The following SHOC2 variants were observed in gnomAD, a reference collection of about 807,000 sequenced individuals.
SHOC2 encodes leucine-rich repeat protein SHOC-2.
In SHOC2, 4 loss-of-function variants were observed where a neutral mutation model predicts 50.2. The observed-to-expected ratio is 0.08, with a 90% CI of 0.04 to 0.18. The LOEUF (loss-of-function observed/expected upper bound fraction) is 0.18. Among genes scored for constraint, SHOC2 ranks in the 10% least tolerant of loss-of-function variants. SHOC2 has a pLI of 1.00. For missense variants in SHOC2, 388 were observed against 669.6 expected, an observed-to-expected ratio of 0.58 and a Z score of 4.64; for synonymous variants, 218 against 244.5, an observed-to-expected ratio of 0.89 and a Z score of 1.01.
chr10:110,921,006 T>G (rs1392092221), intron 1 of SHOC2, among the ~76,000 whole-genome samples: 1 of 152,230 alleles, frequency 6.6e-6, no homozygotes, highest in African/African-American at 2.4e-5. Flanking sequence ...TTTTTGTAAC[T>G]AAATGCAGCA....
intron 2 of SHOC2, among the ~76,000 whole-genome samples, chr10:110,970,747 C>G (rs1259883208): frequency 7.2e-6 from 1 of 138,022 alleles, no homozygotes; most frequent in Admixed American, 7.2e-5. Context: ...TTTTTTTTGT[C>G]ATTTTGATGA....
chr10:110,945,693 C>T (rs1293185685), intron 1 of SHOC2, among the ~76,000 whole-genome samples: 1 of 152,170 alleles, frequency 6.6e-6, no homozygotes, highest in Non-Finnish European at 1.5e-5. Flanking sequence ...CAACCCCACT[C>T]AGACTCTGAC....
At chr10:111,004,274 C>T (rs79018209) in intron 4 of SHOC2, among the ~76,000 whole-genome samples, 1 of 152,272 alleles carries the variant, frequency 6.6e-6, no homozygotes, top group Non-Finnish European at 1.5e-5. Flanking sequence ...AATTAGTCAC[C>T]CATGAGGCAC....
At chr10:110,956,451 A>G (rs537489165) in intron 1 of SHOC2, among the ~76,000 whole-genome samples, 4 of 152,282 alleles carry the variant, frequency 2.6e-5, no homozygotes, top group East Asian at 1.9e-4. Flanking sequence ...TCCTGACTAC[A>G]TTTCATACCT....
intron 3 of SHOC2, among the ~76,000 whole-genome samples, chr10:110,986,100 T>C (rs1848071303): frequency 6.6e-6 from 1 of 152,224 alleles, no homozygotes; most frequent in Non-Finnish European, 1.5e-5. Flanking sequence ...GTGTGGTCCT[T>C]TCTTTGCTAA....
intron 1 of SHOC2, among the ~76,000 whole-genome samples, chr10:110,946,849 A>C (rs1847255054): frequency 6.6e-6 from 1 of 152,174 alleles, no homozygotes. Flanking sequence ...CAGATTTTTT[A>C]AGCAAGGGAG....
chr10:110,949,604 C>T (rs1295397094), intron 1 of SHOC2, among the ~76,000 whole-genome samples: 1 of 151,990 alleles, frequency 6.6e-6, no homozygotes, highest in Non-Finnish European at 1.5e-5. Flanking sequence ...TGCTGTGATA[C>T]CAAAGCCAAA....
chr10:110,962,861 G>A (rs1461465511), intron 1 of SHOC2, among the ~76,000 whole-genome samples: 1 of 152,142 alleles, frequency 6.6e-6, no homozygotes, highest in Non-Finnish European at 1.5e-5. Context: ...TTTCTCAAAA[G>A]TGCTATAGCA....
chr10:110,948,237 C>G (rs994927743), intron 1 of SHOC2, among the ~76,000 whole-genome samples: 1 of 151,974 alleles, frequency 6.6e-6, no homozygotes, highest in African/African-American at 2.4e-5. Context: ...ATGAGAAAGC[C>G]AAGATTCTAA....
intron 1 of SHOC2, among the ~76,000 whole-genome samples, chr10:110,924,890 C>A (rs141748792): frequency 0.061 from 9,293 of 151,392 alleles, 334 homozygotes; most frequent in East Asian, 0.1. Context: ...GCCAATGTAG[C>A]GAAACCCCGT....
At chr10:110,972,733 A>T (rs1847806134) in intron 2 of SHOC2, among the ~76,000 whole-genome samples, 3 of 152,060 alleles carry the variant, frequency 2.0e-5, no homozygotes, top group Non-Finnish European at 4.4e-5. Flanking sequence ...GCTACTCATG[A>T]GGTTGAGGTG....
Position 110,965,000 on chromosome 10 carries a change from G to C in SHOC2, c.642G>C (p.Leu214Phe), listed in dbSNP as rs776825997. The C allele has an allele frequency of 6.2e-7, 1 of 1,613,774 alleles. No individual in the cohort carries two copies. Among genetic ancestry groups the C allele is most frequent in the South Asian group, 1.1e-5 (1 of 91,082 alleles). The change falls in exon 2 of 9, where the codon TTG becomes TTC. Residue 214 changes from leucine (L) to phenylalanine (F), a missense_variant. Coordinates refer to ENST00000369452, the MANE Select transcript of SHOC2 (RefSeq NM_007373.4). This position sits in a 1 kb window ranked among gnomAD's most constrained non-coding sequence, Gnocchi z 4.9. ...ITTVEKDIKN[L>F]SKLSMLSIRE... Reference sequence around the variant, plus strand: ...CTGTGGAAAAGGACATCAAAAACTTGTCAAAACTCAGCATGCTTAGCATTC... The same window carrying C: ...CTGTGGAAAAGGACATCAAAAACTTCTCAAAACTCAGCATGCTTAGCATTC...
At chr10:110,925,702 C>T (rs1196203209) in intron 1 of SHOC2, among the ~76,000 whole-genome samples, 1 of 152,200 alleles carries the variant, frequency 6.6e-6, no homozygotes, top group African/African-American at 2.4e-5. Context: ...AACAATCCAC[C>T]TGCCTTGGCC....
intron 2 of SHOC2, among the ~76,000 whole-genome samples, chr10:110,977,776 G>T (rs567689316): frequency 6.6e-6 from 1 of 152,124 alleles, no homozygotes; most frequent in Non-Finnish European, 1.5e-5. Flanking sequence ...AATAAATTTT[G>T]ATGACTCCCT....
At chr10:110,968,432 G>T (rs1040104468) in intron 2 of SHOC2, among the ~76,000 whole-genome samples, 4 of 151,898 alleles carry the variant, frequency 2.6e-5, no homozygotes, top group Admixed American at 2.6e-4. Flanking sequence ...AATGTAATTT[G>T]ACTTACTGCA....
At chr10:111,011,253 A>G (rs1176915852) in intron 8 of SHOC2, among the ~76,000 whole-genome samples, 2 of 152,218 alleles carry the variant, frequency 1.3e-5, no homozygotes, top group Admixed American at 1.3e-4. Flanking sequence ...GAGTTTTAAA[A>G]TATATATAAG....
chr10:110,928,146 G>A (rs1179187843), intron 1 of SHOC2, among the ~76,000 whole-genome samples: 2 of 152,032 alleles, frequency 1.3e-5, no homozygotes, highest in Admixed American at 1.3e-4. Flanking sequence ...GTAAAACCCT[G>A]TCTTTACTAA....
At chr10:110,975,178 T>C (rs1300467932) in intron 2 of SHOC2, among the ~76,000 whole-genome samples, 3 of 151,406 alleles carry the variant, frequency 2.0e-5, no homozygotes, top group Non-Finnish European at 4.4e-5. Flanking sequence ...TTTTTTGAGA[T>C]GGAGTCTCGC....
intron 1 of SHOC2, chr10:110,920,042 A>G (rs1846590312): frequency 6.7e-6 from 1 of 148,988 alleles, no homozygotes; most frequent in South Asian, 2.0e-4. Flanking sequence ...CCCGGCGGAC[A>G]GTCTCTCTCC....
Sources: gnomAD v4.1 joint callset for allele counts (sites outside exome capture counted in the v4.1 genomes callset) on GRCh38, gnomAD v4.1.1 for gene constraint, Gnocchi (gnomAD v3.1) non-coding constraint, MANE v1.5 for transcripts, NCBI Gene and HGNC (gene_info 2026-07-23, HGNC 2026-07-21) for gene names.